Variants in MERTK observed in about 807,000 individuals in gnomAD.
MERTK encodes the protein MER proto-oncogene, tyrosine kinase, also known as tyrosine-protein kinase Mer.
Under a neutral mutation model 99.3 loss-of-function variants are expected in MERTK, and 69 were observed. The ratio of observed to expected loss-of-function variants is 0.70; its 90% confidence interval spans 0.57 to 0.85. The LOEUF is 0.85. Ranked by LOEUF, MERTK falls within the 40% of genes least tolerant of loss-of-function variation. The probability of loss-of-function intolerance (pLI) is 0.00; values close to 1 mark genes in which losing one functional copy is unlikely to be tolerated. For synonymous variants in MERTK, 426 were observed against 467.6 expected (o/e 0.91, Z 1.15); for missense variants, 1,125 against 1,249.4 (o/e 0.90, Z 1.50).
At chr2:111,922,958 G>C (rs957391193) in intron 1 of MERTK, among the ~76,000 whole-genome samples, 1 of 152,186 alleles carries the variant, frequency 6.6e-6, no homozygotes, top group Non-Finnish European at 1.5e-5. Flanking sequence ...GAGTCTAAGA[G>C]ACTATTCACA....
At chr2:111,910,503 C>G (rs568164709) in intron 1 of MERTK, among the ~76,000 whole-genome samples, 11 of 151,922 alleles carry the variant, frequency 7.2e-5, no homozygotes, top group Middle Eastern at 3.4e-3. Context: ...CTCCTGACCT[C>G]AGGTGATCCA....
chr2:111,911,381 G>GT (rs1684244710), intron 1 of MERTK, among the ~76,000 whole-genome samples: 1 of 141,666 alleles, frequency 7.1e-6, no homozygotes, highest in African/African-American at 3.1e-5. Flanking sequence ...TCCTCCTTTT[G>GT]TTTTTTTGTT....
At chr2:112,002,648 T>G (rs1042345461) in intron 11 of MERTK, among the ~76,000 whole-genome samples, 1 of 152,170 alleles carries the variant, frequency 6.6e-6, no homozygotes, top group Non-Finnish European at 1.5e-5. Context: ...ATTTTATTAC[T>G]GGCATTTTTG....
intron 2 of MERTK, among the ~76,000 whole-genome samples, chr2:111,936,286 A>G (rs1684763781): frequency 6.6e-6 from 1 of 152,212 alleles, no homozygotes; most frequent in African/African-American, 2.4e-5. Flanking sequence ...AGTTTATATT[A>G]TGAACATTTC....
chr2:111,955,596 A>G (rs1685133663), intron 4 of MERTK, among the ~76,000 whole-genome samples: 1 of 152,138 alleles, frequency 6.6e-6, no homozygotes, highest in Non-Finnish European at 1.5e-5. Flanking sequence ...AATCTTAATA[A>G]GGCCTGTGTT....
At chr2:111,992,090 GAT>G (rs1459477133) in intron 8 of MERTK, among the ~76,000 whole-genome samples, 1 of 152,078 alleles carries the variant, frequency 6.6e-6, no homozygotes, top group Non-Finnish European at 1.5e-5. Context: ...TACCTGATCT[GAT>G]TAGAAGTCAT....
At chr2:112,020,799 T>C in intron 16 of MERTK, 1 of 407,886 alleles carries the variant, frequency 2.5e-6, no homozygotes, top group Non-Finnish European at 4.9e-6. Context: ...CTCTTTCTGC[T>C]CCTGCTATGC....
chr2:112,021,326 T>G, intron 16 of MERTK, 96 bp from the exon 17 acceptor site: 2 of 1,567,348 alleles, frequency 1.3e-6, no homozygotes, highest in Non-Finnish European at 1.7e-6. Context: ...GTTCTTTTGG[T>G]CAATTATCAT....
chr2:111,929,070 G>A (rs942694427), intron 1 of MERTK, 50 bp from the exon 2 acceptor site: 8 of 1,609,382 alleles, frequency 5.0e-6, no homozygotes, highest in Non-Finnish European at 6.8e-6. Context: ...AACCTACTTG[G>A]GAAACTCTTC....
intron 2 of MERTK, among the ~76,000 whole-genome samples, chr2:111,942,065 G>A (rs1684875337): frequency 6.6e-6 from 1 of 152,156 alleles, no homozygotes; most frequent in Non-Finnish European, 1.5e-5. Context: ...CCTTCCTGGG[G>A]CTGTGCCCCA....
intron 1 of MERTK, among the ~76,000 whole-genome samples, chr2:111,920,645 T>TTTTATTTA (rs961773115): frequency 6.6e-6 from 1 of 151,900 alleles, no homozygotes; most frequent in Non-Finnish European, 1.5e-5. Context: ...CTACTCTTTA[T>TTTTATTTA]TTTATTTATT....
At chr2:111,924,949 C>A (rs565801502) in intron 1 of MERTK, among the ~76,000 whole-genome samples, 3 of 151,922 alleles carry the variant, frequency 2.0e-5, no homozygotes, top group Non-Finnish European at 4.4e-5. Context: ...GCTTTCAGTC[C>A]GGCAGTGGAG....
At chr2:111,925,777 G>A (rs1423784479) in intron 1 of MERTK, among the ~76,000 whole-genome samples, 1 of 151,912 alleles carries the variant, frequency 6.6e-6, no homozygotes, top group East Asian at 1.9e-4. Context: ...ATTGTAATCA[G>A]AGGTTATTAT....
chr2:111,965,368 T>G, intron 5 of MERTK, 91 bp downstream of exon 5: 1 of 1,222,270 alleles, frequency 8.2e-7, no homozygotes, highest in Non-Finnish European at 1.2e-6. Context: ...GTGTGGATCC[T>G]GGCTTTCTCA....
At chr2:112,022,541 C>T in intron 18 of MERTK, 147 bp downstream of exon 18, 2 of 1,206,902 alleles carry the variant, frequency 1.7e-6, no homozygotes, top group Admixed American at 1.7e-5. Context: ...CCACAGACAC[C>T]CCAGCCCAGG....
chr2:111,947,537 GA>G lies in MERTK; in HGVS notation c.732del (p.Lys244AsnfsTer6), dbSNP rs1165310947. 6.2e-7 allele frequency: 1 copy of G among 1,614,176 alleles called. No individual in the cohort carries two copies. The highest frequency in any genetic ancestry group is 1.7e-5 in the Admixed American group (1 of 60,024). On this transcript the variant is annotated frameshift_variant, in exon 4 of 19. Transcript: ENST00000295408. LOFTEE classifies it high-confidence loss of function. ...QNSSRVNEQP[E>X]KSPSVLTVPG... ...CAGTAGCCGTGTTAACGAACAGCCT[GA>G]AAAATCCCCCTCCGTGCTAACTGTT...
intron 15 of MERTK, among the ~76,000 whole-genome samples, chr2:112,018,154 A>G (rs931782754): frequency 1.3e-5 from 2 of 152,194 alleles, no homozygotes; most frequent in African/African-American, 2.4e-5. Context: ...AATACAGTTG[A>G]TTTTTGTATG....
intron 4 of MERTK, among the ~76,000 whole-genome samples, chr2:111,956,509 T>C (rs1685151399): frequency 6.6e-6 from 1 of 152,188 alleles, no homozygotes; most frequent in African/African-American, 2.4e-5. Flanking sequence ...CTAGCTTTTG[T>C]TTTAGTTAGC....
chr2:111,932,245 G>A (rs749583236), intron 2 of MERTK, among the ~76,000 whole-genome samples: 8 of 152,162 alleles, frequency 5.3e-5, no homozygotes, highest in Non-Finnish European at 1.0e-4. Context: ...GCAGTGGCGC[G>A]ACCTCGGCTC....
Sources: gnomAD v4.1 joint callset for allele counts (sites outside exome capture counted in the v4.1 genomes callset) on GRCh38, gnomAD v4.1.1 for gene constraint, MANE v1.5 for transcripts, NCBI Gene and HGNC (gene_info 2026-07-23, HGNC 2026-07-21) for gene names.